DEFA1: variants seen among roughly 807,000 people sequenced by gnomAD.
The protein encoded by DEFA1 is neutrophil defensin 1.
At chr8:6,979,596 A>G (rs1810319445) in intron 1 of DEFA1, among the ~76,000 whole-genome samples, 1 of 59,938 alleles carries the variant, frequency 1.7e-5, no homozygotes, top group Non-Finnish European at 3.1e-5. Context: ...GTGAAAAGAT[A>G]ACCCAGAAAA....
chr8:6,979,887 C>G (rs1810329382), intron 1 of DEFA1, 126 bp downstream of exon 1: 1 of 95,250 alleles, frequency 1.0e-5, no homozygotes, highest in Non-Finnish European at 2.1e-5. Flanking sequence ...GAGGTCCGGA[C>G]AGACGTTCCT....
intron 1 of DEFA1, among the ~76,000 whole-genome samples, chr8:6,979,701 C>A: frequency 9.3e-6 from 1 of 107,978 alleles, no homozygotes; most frequent in Non-Finnish European, 1.9e-5. Flanking sequence ...ATCAAACAAC[C>A]TGATTGAAAA....
chr8:6,979,847 G>C (rs1163140123), intron 1 of DEFA1, among the ~76,000 whole-genome samples, 166 bp downstream of exon 1: 1 of 134,152 alleles, frequency 7.5e-6, no homozygotes, highest in African/African-American at 2.8e-5. Context: ...TATTAAGTTA[G>C]CTGGAAGCCA....
chr8:6,979,698 A>C (rs1810321939), intron 1 of DEFA1, among the ~76,000 whole-genome samples: 1 of 106,748 alleles, frequency 9.4e-6, no homozygotes, highest in Non-Finnish European at 1.9e-5. Context: ...AAAATCAAAC[A>C]ACCTGATTGA....
At position 6,980,024 on chromosome 8, in the gene DEFA1, C is replaced by A. The variant is rs1810333100; in HGVS notation, c.-24G>T. ...TTTGTAGTACTTACAGATCCTCTAG[C>A]TAGGCAGGGTGACCAGAGAGGGCAG... On this transcript the variant is annotated 5_prime_UTR_variant, in exon 1 of 3. Transcript: ENST00000382692. 1 of 75,322 alleles carries A rather than the reference C, an allele frequency of 1.3e-5. No individual in the cohort carries two copies. The highest frequency in any genetic ancestry group is 2.6e-5 in the Non-Finnish European group (1 of 39,002). The allele number at this position is 75,322 out of a possible 1,614,324, so 4.7% of individuals were successfully genotyped here. A position where few individuals can be genotyped will look rare whatever the true frequency, so the allele number is the denominator to read the frequency against.
intron 1 of DEFA1, 129 bp downstream of exon 1, chr8:6,979,884 G>A (rs1193423888): frequency 4.0e-5 from 4 of 100,328 alleles, no homozygotes; most frequent in Non-Finnish European, 8.1e-5. Flanking sequence ...CCAGAGGTCC[G>A]GACAGACGTT....
At chr8:6,979,470 T>C (rs1254001165) in intron 1 of DEFA1, among the ~76,000 whole-genome samples, 1 of 29,508 alleles carries the variant, frequency 3.4e-5, no homozygotes, top group African/African-American at 1.5e-4. Context: ...GACATTGATG[T>C]AGGTAATGAT....
intron 1 of DEFA1, among the ~76,000 whole-genome samples, chr8:6,979,807 G>C (rs1416489550): frequency 1.4e-5 from 2 of 141,194 alleles, no homozygotes; most frequent in Non-Finnish European, 3.1e-5. Flanking sequence ...TGTGACATGT[G>C]TGTTTAGAAG....
chr8:6,979,674 A>G (rs1810321447), intron 1 of DEFA1, among the ~76,000 whole-genome samples: 2 of 84,318 alleles, frequency 2.4e-5, no homozygotes, highest in African/African-American at 9.4e-5. Flanking sequence ...AGGAATTCCA[A>G]CAACTCAATA....
intron 1 of DEFA1, among the ~76,000 whole-genome samples, chr8:6,979,496 C>T (rs1292738483): frequency 5.5e-5 from 2 of 36,472 alleles, no homozygotes; most frequent in African/African-American, 2.4e-4. Flanking sequence ...GGCTATGACA[C>T]CAAAGGCACA....
intron 1 of DEFA1, among the ~76,000 whole-genome samples, chr8:6,979,693 C>T (rs890181350): frequency 2.9e-5 from 3 of 103,936 alleles, no homozygotes; most frequent in African/African-American, 1.1e-4. Flanking sequence ...TAGCAAAAAT[C>T]AAACAACCTG....
chr8:6,979,880 G>T (rs904735068), intron 1 of DEFA1, 133 bp downstream of exon 1: 1 of 108,026 alleles, frequency 9.3e-6, no homozygotes, highest in African/African-American at 3.5e-5. Context: ...GTCACCAGAG[G>T]TCCGGACAGA....
chr8:6,979,354 C>A (rs1810314040), intron 1 of DEFA1, among the ~76,000 whole-genome samples: 1 of 1,940 alleles, frequency 5.2e-4, no homozygotes, highest in Non-Finnish European at 9.6e-4. Flanking sequence ...GTATTTAAAT[C>A]TTTATCTCAC....
intron 1 of DEFA1, among the ~76,000 whole-genome samples, chr8:6,979,783 T>C (rs1379683553): frequency 7.1e-6 from 1 of 140,832 alleles, no homozygotes; most frequent in Admixed American, 7.4e-5. Flanking sequence ...CTACTGGACA[T>C]GTCAACCAGG....
intron 1 of DEFA1, 114 bp downstream of exon 1, chr8:6,979,899 G>T (rs1370030906): frequency 1.7e-5 from 1 of 57,702 alleles, no homozygotes; most frequent in Non-Finnish European, 3.3e-5. Context: ...GACGTTCCTA[G>T]CAGGGATTCG....
intron 1 of DEFA1, among the ~76,000 whole-genome samples, chr8:6,979,805 G>T (rs1393149260): frequency 5.7e-5 from 8 of 141,156 alleles, no homozygotes; most frequent in Admixed American, 1.5e-4. Context: ...CATGTGACAT[G>T]TGTGTTTAGA....
At chr8:6,979,583 C>T (rs931608876) in intron 1 of DEFA1, among the ~76,000 whole-genome samples, 11 of 59,658 alleles carry the variant, frequency 1.8e-4, no homozygotes, top group Middle Eastern at 7.0e-3. Context: ...AACAATCAAC[C>T]GAGTGAAAAG....
intron 1 of DEFA1, among the ~76,000 whole-genome samples, chr8:6,979,531 G>A (rs1289636601): frequency 1.9e-5 from 1 of 52,158 alleles, no homozygotes; most frequent in African/African-American, 8.0e-5. Flanking sequence ...AAATAGACAA[G>A]TGTGGCTTCA....
chr8:6,979,914 C>T (rs1325372530), intron 1 of DEFA1, 99 bp downstream of exon 1: 1 of 24,100 alleles, frequency 4.1e-5, no homozygotes, highest in Admixed American at 5.8e-4. Context: ...GATTCGCCCG[C>T]TGGTTCCCTC....
Sources: allele counts gnomAD v4.1 joint callset (sites outside exome capture counted in the v4.1 genomes callset), GRCh38; gene constraint gnomAD v4.1.1; transcripts MANE v1.5; gene names NCBI Gene and HGNC (gene_info 2026-07-23, HGNC 2026-07-21).